INPPL1: variants seen among roughly 807,000 people sequenced by gnomAD.
INPPL1 encodes inositol polyphosphate phosphatase like 1.
A neutral mutation model predicts 139.3 loss-of-function variants in INPPL1; 91 were observed. The observed-to-expected ratio is 0.65, with a 90% CI of 0.55 to 0.78. INPPL1 has a LOEUF of 0.78. INPPL1 is among the 30% of genes least tolerant of loss of function. The pLI, the probability that INPPL1 is intolerant of heterozygous loss-of-function variation, is 0.00. For synonymous variants in INPPL1, 719 were observed against 686.6 expected (o/e 1.05, Z -0.74); for missense variants, 1,411 against 1,665.6 (o/e 0.85, Z 2.66).
Position 72,238,060 on chromosome 11 carries a change from G to A in INPPL1, c.3571G>A (p.Gly1191Arg), listed in dbSNP as rs754249368. Residue 1191 changes from glycine (G) to arginine (R), a missense_variant, in exon 27 of 28, where the codon GGG becomes AGG. Gly to Arg is a moderately radical substitution (Grantham distance 125). Around this residue, in one of 5 missense-constraint regions of INPPL1, gnomAD observed 438 missense variants for 425.7 expected, o/e 1.03. Transcript: ENST00000298229. Reference sequence around the variant, plus strand: ...TCCTTAGGCTCCGTGCCTGCAGGGCGGGCGGGCCAGCGGGCTGGGCGAGGC... The same window carrying A: ...TCCTTAGGCTCCGTGCCTGCAGGGCAGGCGGGCCAGCGGGCTGGGCGAGGC... The part of the protein sequence containing the change: ...LAEEAPCLQG[G>R]RASGLGEAGM... The A allele has an allele frequency of 4.5e-6, 7 of 1,562,534 alleles. No homozygotes were observed. Among genetic ancestry groups the A allele is most frequent in the Admixed American group, 3.8e-5 (2 of 53,158 alleles).
At chr11:72,230,524 G>A in intron 10 of INPPL1, 56 bp downstream of exon 10, 8 of 1,498,182 alleles carry the variant, frequency 5.3e-6, no homozygotes, top group Non-Finnish European at 7.4e-6. Flanking sequence ...CCACATGGGT[G>A]CTTCCCATTG....
In INPPL1 at chr11:72,233,406, G is replaced by A. The variant is rs1223018813; in HGVS notation, c.2041-35G>A. 6 of 1,590,546 alleles carry A rather than the reference G, an allele frequency of 3.8e-6. No individual in the cohort carries two copies. The South Asian group carries it at 6.6e-5, about 18-fold the overall frequency. On this transcript the variant is annotated intron_variant, in intron 17 of 27. Transcript: ENST00000298229. ...GTCCATGCCAAGCAGCCTCCTAGCT[G>A]TCAGCTCTAACCATGCTGCCATCCC... is the stretch of plus-strand genomic sequence containing the variant.
chr11:72,229,796 G>A (rs548467739), intron 7 of INPPL1, 44 bp downstream of exon 7: 3 of 1,584,382 alleles, frequency 1.9e-6, no homozygotes, highest in African/African-American at 1.3e-5. Context: ...ACTGGCCACT[G>A]TCATTGGCCT....
Position 72,235,095 on chromosome 11 carries a change from C to A in INPPL1, c.2416-21C>A. On this transcript the variant is annotated intron_variant, in intron 21 of 27. Transcript: ENST00000298229. The surrounding 1 kb of genome is among the most constrained non-coding windows in gnomAD (Gnocchi z 4.9). ...GGAAGTGGCGGGGCTTTGTTCCTCA[C>A]TGGGCCTCCCTGCTTCCCAGCTCAA... is the stretch of plus-strand genomic sequence containing the variant. 1 of 1,605,246 alleles carries A rather than the reference C, an allele frequency of 6.2e-7. No individual in the cohort carries two copies. Among genetic ancestry groups the A allele is most frequent in the Non-Finnish European group, 8.5e-7 (1 of 1,173,992 alleles).
chr11:72,237,933 T>A, intron 26 of INPPL1, 109 bp from the exon 27 acceptor site: 1 of 1,447,302 alleles, frequency 6.9e-7, no homozygotes, highest in Non-Finnish European at 9.1e-7. Context: ...GAGACACATG[T>A]ATCAGCCCAG....
rs569502858 is a variant in INPPL1, at chr11:72,238,063, C to T, written c.3574C>T (p.Arg1192Trp). The T allele has an allele frequency of 3.3e-5, 52 of 1,562,116 alleles. No homozygotes were observed. In the East Asian group the frequency reaches 1.0e-3, roughly 31 times the overall value. ...TTAGGCTCCGTGCCTGCAGGGCGGGCGGGCCAGCGGGCTGGGCGAGGCAGG... is the reference window on the plus strand; with the variant it reads ...TTAGGCTCCGTGCCTGCAGGGCGGGTGGGCCAGCGGGCTGGGCGAGGCAGG... ...AEEAPCLQGG[R>W]ASGLGEAGMS... The change falls in exon 27 of 28, where the codon CGG (arginine) becomes TGG (tryptophan). Residue 1192 changes from arginine (R) to tryptophan (W), a missense_variant. Physicochemically the swap from Arg to Trp is moderately radical, Grantham distance 101. This residue lies in a region of INPPL1 where 438 missense variants were observed against 425.7 expected (regional missense o/e 1.03). Transcript: ENST00000298229.
rs918801512 is a variant in INPPL1, at chr11:72,228,878, A to G, written c.518+31A>G. 1.9e-6 allele frequency: 3 copies of G among 1,552,784 alleles called. No homozygotes were observed. The Admixed American group carries it at 6.1e-5, about 32-fold the overall frequency. On this transcript the variant is annotated intron_variant, in intron 4 of 27. Coordinates refer to ENST00000298229, the MANE Select transcript of INPPL1 (RefSeq NM_001567.4). The surrounding 1 kb of genome is among the most constrained non-coding windows in gnomAD (Gnocchi z 5.0). ...ACCCCCATCCCATCCACTGAACAGG[A>G]GACCCTTTCTCCTCTGAGAACTATT...
At chr11:72,233,417 C>T (rs1565392755) in intron 17 of INPPL1, 24 bp from the exon 18 acceptor site, 1 of 1,607,518 alleles carries the variant, frequency 6.2e-7, no homozygotes, top group Non-Finnish European at 8.5e-7. Flanking sequence ...TCAGCTCTAA[C>T]CATGCTGCCA....
rs1565391484 is a variant in INPPL1 at position 72,232,640 on chromosome 11, A to G, written c.1727A>G (p.Tyr576Cys). ...CCTCACCCTAGGAGGAACCAAAACT[A>G]CTTGGACATCCTGCGGCTGCTCTCG... ...NEKTARRNQN[Y>C]LDILRLLSLG... Residue 576 changes from tyrosine (Y) to cysteine (C), a missense_variant, in exon 15 of 28, where the codon TAC (tyrosine) becomes TGC (cysteine). Tyr to Cys is a radical substitution (Grantham distance 194). Coordinates refer to ENST00000298229, the MANE Select transcript of INPPL1 (RefSeq NM_001567.4). 2 of 1,611,690 alleles carry G rather than the reference A, an allele frequency of 1.2e-6. No homozygotes were observed. The highest frequency in any genetic ancestry group is 1.7e-4 in the Middle Eastern group (1 of 6,060).
At chr11:72,229,780 C>T (rs374410580) in intron 7 of INPPL1, 28 bp downstream of exon 7, 19 of 1,598,910 alleles carry the variant, frequency 1.2e-5, no homozygotes, top group East Asian at 1.1e-4. Context: ...CCTTGACCCC[C>T]GATTCACTGG....
intron 1 of INPPL1, among the ~76,000 whole-genome samples, chr11:72,225,754 TTTGAGCCCTGGCTCTGGGC>T (rs1280189782): frequency 6.6e-6 from 1 of 152,156 alleles, no homozygotes; most frequent in African/African-American, 2.4e-5. Context: ...TGAGTGAGTG[TTTGAGCCCTGGCTCTGGGC>T]TTGAGCCCTG....
At position 72,232,665 on chromosome 11, in the gene INPPL1, G is replaced by C. The variant is rs146086521; in HGVS notation, c.1752G>C (p.Ser584=). The C allele has an allele frequency of 1.1e-5, 17 of 1,613,888 alleles. No homozygotes were observed. The highest frequency in any genetic ancestry group is 8.3e-5 in the Admixed American group (5 of 60,016). The stretch of plus-strand genomic sequence containing the variant: ...ACTTGGACATCCTGCGGCTGCTCTC[G>C]CTGGGCGACCGGCAGCTCAATGCCT... The part of the protein sequence containing the change: ...QNYLDILRLL[S]LGDRQLNAFD... Residue 584 remains serine, a synonymous_variant, in exon 15 of 28, where the codon TCG becomes TCC. Transcript: ENST00000298229.
rs201045134 is a variant in INPPL1 at position 72,228,772 on chromosome 11, C to T, written c.443C>T (p.Thr148Ile). 6.2e-6 allele frequency: 10 copies of T among 1,612,330 alleles called. No individual in the cohort carries two copies. The highest frequency in any genetic ancestry group is 1.7e-5 in the Admixed American group (1 of 59,728). Residue 148 changes from threonine (T) to isoleucine (I), a missense_variant, in exon 4 of 28, where the codon ACC becomes ATC. Thr to Ile is a moderately conservative substitution (Grantham distance 89). This residue lies in a region of INPPL1 where 504 missense variants were observed against 595.6 expected (regional missense o/e 0.85). Coordinates refer to ENST00000298229, the MANE Select transcript of INPPL1 (RefSeq NM_001567.4). This position sits in a 1 kb window ranked among gnomAD's most constrained non-coding sequence, Gnocchi z 5.0. The part of the protein sequence containing the change: ...KPPLPPRSGS[T>I]SISAPTGPSS... ...CCGCTGCCCCCGCGCTCTGGCTCCA[C>T]CAGCATTTCTGCCCCCACTGGGCCC...
chr11:72,227,704 C>T (rs374475033), intron 1 of INPPL1, among the ~76,000 whole-genome samples: 1 of 152,236 alleles, frequency 6.6e-6, no homozygotes, highest in African/African-American at 2.4e-5. Flanking sequence ...CCCCCACACT[C>T]CTCGGCACAA....
Position 72,238,174 on chromosome 11 carries a change from A to G in INPPL1, c.3685A>G (p.Ser1229Gly). Reference protein sequence around the residue: ...HNGWDDLEFLSDITEEDLEEA... With the variant: ...HNGWDDLEFLGDITEEDLEEA... ...TGGCTGGGACGACCTGGAGTTTCTC[A>G]GGTGGGGGAGGGGCTGGCCCCGGGG... The change falls in exon 27 of 28, where the codon AGT (serine) becomes GGT (glycine). Residue 1229 changes from serine to glycine, a missense_variant and splice_region_variant. Physicochemically the swap from Ser to Gly is moderately conservative, Grantham distance 56 (BLOSUM62 0). Coordinates refer to ENST00000298229, the MANE Select transcript of INPPL1 (RefSeq NM_001567.4). The G allele has an allele frequency of 6.2e-7, 1 of 1,603,980 alleles. No homozygotes were observed. Among genetic ancestry groups the G allele is most frequent in the Non-Finnish European group, 8.5e-7 (1 of 1,175,370 alleles).
rs146603018 is a variant in INPPL1 at position 72,228,737 on chromosome 11, T to C, written c.408T>C (p.Asp136=). The change falls in exon 4 of 28, where the codon GAT becomes GAC. Residue 136 remains aspartate (D), a synonymous_variant. Coordinates refer to ENST00000298229, the MANE Select transcript of INPPL1 (RefSeq NM_001567.4). The surrounding 1 kb of genome is among the most constrained non-coding windows in gnomAD (Gnocchi z 5.0). ...GACCCCTGCCCACAGATGGGGAGGA[T>C]GAGAAGCCCCCGCTGCCCCCGCGCT... ...PDDRDASDGE[D]EKPPLPPRSG... is the part of the protein sequence containing the mutation. 3 of 1,608,136 alleles carry C rather than the reference T, an allele frequency of 1.9e-6. No individual in the cohort carries two copies. Among genetic ancestry groups the C allele is most frequent in the Non-Finnish European group, 2.5e-6 (3 of 1,176,924 alleles).
chr11:72,237,433 C>T lies in INPPL1; in HGVS notation c.3189C>T (p.Ile1063=). 6.2e-7 allele frequency: 1 copy of T among 1,611,032 alleles called. No homozygotes were observed. Among genetic ancestry groups the T allele is most frequent in the Non-Finnish European group, 8.5e-7 (1 of 1,177,936 alleles). Residue 1063 remains isoleucine (I), a synonymous_variant, in exon 26 of 28, where the codon ATC becomes ATT. Coordinates refer to ENST00000298229, the MANE Select transcript of INPPL1 (RefSeq NM_001567.4). ...FPPPPLPDSA[I]FLPPSLDPLP... is the part of the protein sequence containing the mutation. ...CTCCACCACTGCCGGACTCAGCCAT[C>T]TTCCTGCCCCCCAGCCTGGATCCTT...
chr11:72,229,795 T>G (rs1268132073), intron 7 of INPPL1, 43 bp downstream of exon 7: 2 of 1,583,768 alleles, frequency 1.3e-6, no homozygotes, highest in Non-Finnish European at 1.7e-6. Flanking sequence ...CACTGGCCAC[T>G]GTCATTGGCC....
At chr11:72,236,458 A>G (rs777928344) in intron 25 of INPPL1, among the ~76,000 whole-genome samples, 8 of 152,232 alleles carry the variant, frequency 5.3e-5, no homozygotes, top group Non-Finnish European at 7.3e-5. Context: ...AGCTCTGAGC[A>G]TGTGGACAGG....
Sources: allele counts gnomAD v4.1 joint callset (sites outside exome capture counted in the v4.1 genomes callset), GRCh38; gene constraint gnomAD v4.1.1; regional missense constraint gnomAD v4.1.1; non-coding constraint Gnocchi (gnomAD v3.1); transcripts MANE v1.5; gene names NCBI Gene and HGNC (gene_info 2026-07-23, HGNC 2026-07-21).